The following ST6GALNAC5 variants were observed in gnomAD, a reference collection of about 807,000 sequenced individuals.
The protein encoded by ST6GALNAC5 is alpha-N-acetylgalactosaminide alpha-2,6-sialyltransferase 5.
In ST6GALNAC5, 27 loss-of-function variants were observed where a neutral mutation model predicts 33.6. The observed-to-expected ratio is 0.80, with a 90% CI of 0.59 to 1.11. The LOEUF (loss-of-function observed/expected upper bound fraction) is 1.11. Ranked by LOEUF, ST6GALNAC5 falls within the 50% of genes least tolerant of loss-of-function variation. The pLI, the probability that ST6GALNAC5 is intolerant of heterozygous loss-of-function variation, is 0.00. For missense variants in ST6GALNAC5, 428 were observed against 454.0 expected, an observed-to-expected ratio of 0.94 and a Z score of 0.52; for synonymous variants, 194 against 171.2, an observed-to-expected ratio of 1.13 and a Z score of -1.04.
At chr1:76,949,100 C>T (rs181191265) in intron 2 of ST6GALNAC5, among the ~76,000 whole-genome samples, 2 of 152,252 alleles carry the variant, frequency 1.3e-5, no homozygotes, top group African/African-American at 4.8e-5. Context: ...AGGTGTGCTG[C>T]CAGGTATGTG....
At position 76,900,105 on chromosome 1, in the gene ST6GALNAC5, T is replaced by C. The variant is rs569011623; in HGVS notation, c.261+31363T>C. Among the ~76,000 whole-genome samples, 51 of 152,130 alleles carry C rather than the reference T, an allele frequency of 3.4e-4. No homozygotes were observed. In the South Asian group the frequency reaches 0.011, roughly 32 times the overall value. On this transcript the variant is annotated intron_variant, in intron 2 of 4. Transcript: ENST00000477717. Reference sequence around the variant, plus strand: ...GCGAAGGGAGATAAGGGTGGGGCTGTTTTATAGGATTTGGGTAGATAAAGG... The same window carrying C: ...GCGAAGGGAGATAAGGGTGGGGCTGCTTTATAGGATTTGGGTAGATAAAGG...
chr1:76,949,753 A>G (rs1364278362), intron 2 of ST6GALNAC5, among the ~76,000 whole-genome samples: 2 of 152,166 alleles, frequency 1.3e-5, no homozygotes, highest in Non-Finnish European at 2.9e-5. Flanking sequence ...GAGAAAAACC[A>G]TTAGACCCAT....
At chr1:77,055,397 T>TG (rs879300862) in intron 4 of ST6GALNAC5, among the ~76,000 whole-genome samples, 1 of 152,248 alleles carries the variant, frequency 6.6e-6, no homozygotes, top group Non-Finnish European at 1.5e-5. Context: ...ATAACATTAA[T>TG]GGCTGATATT....
chr1:76,925,496 G>A (rs896773641), intron 2 of ST6GALNAC5, among the ~76,000 whole-genome samples: 1 of 152,054 alleles, frequency 6.6e-6, no homozygotes, highest in African/African-American at 2.4e-5. Context: ...AAAAGAGTGA[G>A]TTCTTTGCTT....
chr1:76,965,353 T>C (rs1446194241), intron 2 of ST6GALNAC5, among the ~76,000 whole-genome samples: 1 of 152,242 alleles, frequency 6.6e-6, no homozygotes, highest in Non-Finnish European at 1.5e-5. Flanking sequence ...TGCGTTTCTC[T>C]GATGACCAGT....
intron 2 of ST6GALNAC5, among the ~76,000 whole-genome samples, chr1:76,982,598 T>G (rs750856707): frequency 3.9e-5 from 6 of 152,184 alleles, no homozygotes; most frequent in Non-Finnish European, 5.9e-5. Context: ...TTCAGGATAT[T>G]ATCCAGGAGA....
chr1:76,940,759 A>C (rs1409201067), intron 2 of ST6GALNAC5, among the ~76,000 whole-genome samples: 1 of 152,096 alleles, frequency 6.6e-6, no homozygotes, highest in Non-Finnish European at 1.5e-5. Context: ...CCCCGCTGAC[A>C]GTCTGCAAAC....
chr1:76,913,652 G>T (rs574227954), intron 2 of ST6GALNAC5, among the ~76,000 whole-genome samples: 1 of 151,806 alleles, frequency 6.6e-6, no homozygotes, highest in African/African-American at 2.4e-5. Context: ...TTCCCTTCTC[G>T]CTTCATTTCA....
intron 2 of ST6GALNAC5, among the ~76,000 whole-genome samples, chr1:77,017,214 TG>T (rs1650883461): frequency 6.7e-6 from 1 of 149,862 alleles, no homozygotes; most frequent in South Asian, 2.1e-4. Flanking sequence ...CAGTAAACAC[TG>T]GGGGACACTT....
chr1:76,953,320 T>G (rs1356544522), intron 2 of ST6GALNAC5, among the ~76,000 whole-genome samples: 1 of 152,184 alleles, frequency 6.6e-6, no homozygotes, highest in East Asian at 1.9e-4. Context: ...CAAGCTTCTC[T>G]GTATTCTCAC....
chr1:76,965,221 C>CA (rs961195300), intron 2 of ST6GALNAC5, among the ~76,000 whole-genome samples: 37 of 150,774 alleles, frequency 2.5e-4, no homozygotes, highest in African/African-American at 8.9e-4. Context: ...TACCACCCCC[C>CA]CCACCAACAG....
At chr1:77,047,335 T>G (rs1450423236) in intron 3 of ST6GALNAC5, among the ~76,000 whole-genome samples, 1 of 152,212 alleles carries the variant, frequency 6.6e-6, no homozygotes, top group African/African-American at 2.4e-5. Context: ...TTCTGTAAAT[T>G]AAAACCTAAA....
At chr1:76,889,272 G>C (rs1653964151) in intron 2 of ST6GALNAC5, among the ~76,000 whole-genome samples, 1 of 151,956 alleles carries the variant, frequency 6.6e-6, no homozygotes, top group Admixed American at 6.6e-5. Flanking sequence ...CTTCCAAATT[G>C]GATATTAGCA....
Position 77,000,293 on chromosome 1 carries a change from T to C in ST6GALNAC5, c.262-43911T>C, listed in dbSNP as rs1650096526. 1.6e-5 allele frequency among the ~76,000 whole-genome samples: 2 copies of C among 121,288 alleles called. 1 individual carries two copies. Among genetic ancestry groups the C allele is most frequent in the Non-Finnish European group, 3.9e-5 (2 of 51,500 alleles). 79.6% of individuals were successfully genotyped at this position (121,288 alleles called of 152,430 possible). On this transcript the variant is annotated intron_variant, in intron 2 of 4. Transcript: ENST00000477717. ...TTTTGGCTGCATAAATGTCTTCTTTTGAGAAGTGTCTGTTCATGTCCTTTG... is the reference window on the plus strand; with the variant it reads ...TTTTGGCTGCATAAATGTCTTCTTTCGAGAAGTGTCTGTTCATGTCCTTTG...
At chr1:77,056,971 G>A (rs2100478108) in intron 4 of ST6GALNAC5, among the ~76,000 whole-genome samples, 1 of 152,308 alleles carries the variant, frequency 6.6e-6, no homozygotes, top group Non-Finnish European at 1.5e-5. Flanking sequence ...AGATGCTTGG[G>A]AAGGACTGCT....
At chr1:76,881,336 A>G (rs899628859) in intron 2 of ST6GALNAC5, among the ~76,000 whole-genome samples, 5 of 152,150 alleles carry the variant, frequency 3.3e-5, no homozygotes, top group Non-Finnish European at 7.3e-5. Flanking sequence ...TGCCTGTTCT[A>G]TTCAATATGT....
At chr1:77,021,260 A>C (rs1321201411) in intron 2 of ST6GALNAC5, among the ~76,000 whole-genome samples, 1 of 152,146 alleles carries the variant, frequency 6.6e-6, no homozygotes, top group Non-Finnish European at 1.5e-5. Context: ...TCACATCCTG[A>C]GGAATAATGA....
chr1:76,986,610 C>A (rs1053086290), intron 2 of ST6GALNAC5, among the ~76,000 whole-genome samples: 2 of 152,134 alleles, frequency 1.3e-5, no homozygotes, highest in African/African-American at 2.4e-5. Flanking sequence ...GTGGTGATTC[C>A]TCAAGGATCT....
chr1:76,914,455 A>G (rs544249489), intron 2 of ST6GALNAC5, among the ~76,000 whole-genome samples: 3 of 152,252 alleles, frequency 2.0e-5, no homozygotes, highest in Non-Finnish European at 4.4e-5. Context: ...ACAAGGCTAC[A>G]GTAACCAAAA....
Sources: allele counts gnomAD v4.1 joint callset (sites outside exome capture counted in the v4.1 genomes callset), GRCh38; gene constraint gnomAD v4.1.1; transcripts MANE v1.5; gene names NCBI Gene and HGNC (gene_info 2026-07-23, HGNC 2026-07-21).